TINAG: variants seen among roughly 807,000 people sequenced by gnomAD.
TINAG encodes tubulointerstitial nephritis antigen.
In TINAG, 83 loss-of-function variants were observed where a neutral mutation model predicts 72.7. The ratio of observed to expected loss-of-function variants is 1.14; its 90% CI spans 0.96 to 1.37. The LOEUF (loss-of-function observed/expected upper bound fraction) is 1.37. TINAG is among the 40% of genes most tolerant of loss of function. The pLI, the probability that TINAG is intolerant of heterozygous loss-of-function variation, is 0.00. For missense variants in TINAG, 685 were observed against 576.6 expected, an observed-to-expected ratio of 1.19 and a Z score of -1.93; for synonymous variants, 234 against 189.9, an observed-to-expected ratio of 1.23 and a Z score of -1.91.
At chr6:54,311,597 A>G (rs1784260029) in intron 1 of TINAG, among the ~76,000 whole-genome samples, 1 of 152,094 alleles carries the variant, frequency 6.6e-6, no homozygotes, top group Admixed American at 6.5e-5. Flanking sequence ...TTGTCATTTT[A>G]ATTTGCATTT....
At chr6:54,321,181 G>T in intron 2 of TINAG, 116 bp from the exon 3 acceptor site, 1 of 801,000 alleles carries the variant, frequency 1.2e-6, no homozygotes. Context: ...ATAACCATAT[G>T]GCTAACATTA....
rs547940498 is a variant in TINAG, at chr6:54,314,710, AT to A, written c.355+5811del. ...TCTCAGTTTAAAAGTATGAGTTGTA[AT>A]TTTTTAATGTGCTGAAATGTACTTG... On this transcript the variant is annotated intron_variant, in intron 1 of 10. Transcript: ENST00000259782. Among the ~76,000 whole-genome samples the A allele has an allele frequency of 1.4e-3, 215 of 152,216 alleles. 2 individuals are homozygous for A. The highest frequency in any genetic ancestry group is 5.0e-3 in the African/African-American group (209 of 41,556).
rs1395583996 is a variant in TINAG, at chr6:54,349,841, T to C, written c.1025T>C (p.Val342Ala). 1 of 1,610,038 alleles carries C rather than the reference T, an allele frequency of 6.2e-7. No individual in the cohort carries two copies. Among genetic ancestry groups the C allele is most frequent in the Middle Eastern group, 1.7e-4 (1 of 6,042 alleles). ...GCCACGAAGCCATGTCCCAACAACG[T>C]AGAAAAATCTAACAGGATCTATCAA... ...RHATKPCPNN[V>A]EKSNRIYQCS... The change falls in exon 7 of 11, where the codon GTA becomes GCA. Residue 342 changes from valine (V) to alanine (A), a missense_variant. Physicochemically the swap from Val to Ala is moderately conservative, Grantham distance 64. Coordinates refer to ENST00000259782, the MANE Select transcript of TINAG (RefSeq NM_014464.4).
chr6:54,382,436 T>A (rs1191741966), intron 10 of TINAG, among the ~76,000 whole-genome samples: 1 of 152,100 alleles, frequency 6.6e-6, no homozygotes, highest in Non-Finnish European at 1.5e-5. Context: ...AGTCTATGCA[T>A]TCAGGAAAAA....
intron 7 of TINAG, among the ~76,000 whole-genome samples, chr6:54,350,381 C>T (rs1401807926): frequency 6.6e-6 from 1 of 151,968 alleles, no homozygotes; most frequent in African/African-American, 2.4e-5. Flanking sequence ...CAAGCCTTCT[C>T]GTTTTCAGAA....
At chr6:54,387,303 A>G (rs1764126041) in intron 10 of TINAG, among the ~76,000 whole-genome samples, 2 of 152,194 alleles carry the variant, frequency 1.3e-5, no homozygotes, top group Admixed American at 6.5e-5. Context: ...TATACTACTG[A>G]TGCATGTGTA....
intron 5 of TINAG, 103 bp downstream of exon 5, chr6:54,343,452 A>C: frequency 9.1e-7 from 1 of 1,094,350 alleles, no homozygotes; most frequent in Non-Finnish European, 1.2e-6. Context: ...TTTAAATATT[A>C]GCATATGATC....
At chr6:54,310,081 G>GTA (rs1220033196) in intron 1 of TINAG, among the ~76,000 whole-genome samples, 1 of 143,372 alleles carries the variant, frequency 7.0e-6, no homozygotes, top group African/African-American at 2.7e-5. Flanking sequence ...TTTTCCGTGT[G>GTA]TGTGTGTGTG....
chr6:54,351,833 AAT>A lies in TINAG; in HGVS notation c.1126+439_1126+440del, dbSNP rs543370164. Among the ~76,000 whole-genome samples the A allele has an allele frequency of 2.5e-3, 379 of 152,022 alleles. 4 individuals carry two copies. The highest frequency in any genetic ancestry group is 5.0e-3 in the Admixed American group (76 of 15,234). ...TCGTGGATTGAAAAAATTGAGGATT[AAT>A]ATTTTCCTTCTATTAGCTCAAAATA... On this transcript the variant is annotated intron_variant, in intron 8 of 10. Transcript: ENST00000259782.
In TINAG at chr6:54,383,539, T is replaced by G. The variant is rs189077835; in HGVS notation, c.1296+2968T>G. Among the ~76,000 whole-genome samples, 415 of 152,058 alleles carry G rather than the reference T, an allele frequency of 2.7e-3. 1 individual carries two copies. Among genetic ancestry groups the G allele is most frequent in the Non-Finnish European group, 3.1e-3 (208 of 67,968 alleles). The stretch of plus-strand genomic sequence containing the variant: ...AGAAAAATTTTTGGCCTAGGAGCAT[T>G]TGGTAGGTTTGGGCATAAAGTGAGG... On this transcript the variant is annotated intron_variant, in intron 10 of 10. Coordinates refer to ENST00000259782, the MANE Select transcript of TINAG (RefSeq NM_014464.4).
rs1582770830 is a variant in TINAG at position 54,389,970 on chromosome 6, T to C, written c.*45T>C. ...AAGGTCATGCCTTTAAGTAACCCCC[T>C]AAATTGAAGTTTAGCAATATGACAT... On this transcript the variant is annotated 3_prime_UTR_variant, in exon 11 of 11. Transcript: ENST00000259782. 1 of 1,587,576 alleles carries C rather than the reference T, an allele frequency of 6.3e-7. No homozygotes were observed. The highest frequency in any genetic ancestry group is 8.5e-7 in the Non-Finnish European group (1 of 1,172,052).
At chr6:54,324,841 T>C (rs1784568377) in intron 3 of TINAG, among the ~76,000 whole-genome samples, 1 of 152,262 alleles carries the variant, frequency 6.6e-6, no homozygotes, top group African/African-American at 2.4e-5. Context: ...TGAAATTACC[T>C]GACTTGTTTC....
intron 10 of TINAG, among the ~76,000 whole-genome samples, chr6:54,386,375 C>T (rs570574102): frequency 1.3e-5 from 2 of 152,188 alleles, no homozygotes; most frequent in Admixed American, 6.6e-5. Context: ...CACAAGGATG[C>T]CATCAAAGTG....
At chr6:54,372,723 CATACATATATATATATATATATAT>C (rs1763658034) in intron 9 of TINAG, among the ~76,000 whole-genome samples, 1 of 122,598 alleles carries the variant, frequency 8.2e-6, no homozygotes, top group Non-Finnish European at 1.6e-5. Context: ...TATATAAATA[CATACATATATATATATATATATAT>C]ATATATATAT....
chr6:54,372,729 T>C (rs1158560007), intron 9 of TINAG, among the ~76,000 whole-genome samples: 7 of 2,088 alleles, frequency 3.4e-3, no homozygotes, highest in African/African-American at 0.014. Context: ...AATACATACA[T>C]ATATATATAT....
chr6:54,334,353 G>A (rs1784812098), intron 4 of TINAG, among the ~76,000 whole-genome samples: 1 of 152,176 alleles, frequency 6.6e-6, no homozygotes. Flanking sequence ...TAAATGCACA[G>A]GTTTCTCTTC....
At chr6:54,356,349 A>G (rs1030445072) in intron 9 of TINAG, among the ~76,000 whole-genome samples, 1 of 151,892 alleles carries the variant, frequency 6.6e-6, no homozygotes, top group Non-Finnish European at 1.5e-5. Flanking sequence ...AGCCTGGCCA[A>G]CATGGTGAAA....
chr6:54,365,130 G>A (rs1318855066), intron 9 of TINAG, among the ~76,000 whole-genome samples: 1 of 151,418 alleles, frequency 6.6e-6, no homozygotes. Context: ...TTAATGCATG[G>A]GGAAGTCTAA....
intron 8 of TINAG, 148 bp from the exon 9 acceptor site, chr6:54,354,365 A>G: frequency 1.5e-6 from 1 of 665,044 alleles, no homozygotes; most frequent in Non-Finnish European, 2.4e-6. Context: ...TTAATTAAGT[A>G]GGAAAGAAAA....
Sources: gnomAD v4.1 joint callset for allele counts (sites outside exome capture counted in the v4.1 genomes callset) on GRCh38, gnomAD v4.1.1 for gene constraint, MANE v1.5 for transcripts, NCBI Gene and HGNC (gene_info 2026-07-23, HGNC 2026-07-21) for gene names.